TIAM1: variants seen among roughly 807,000 people sequenced by gnomAD.
TIAM1 encodes the protein rho guanine nucleotide exchange factor TIAM1.
In TIAM1, 65 loss-of-function variants were observed where a neutral mutation model predicts 163.5. The ratio of observed to expected loss-of-function variants is 0.40; its 90% confidence interval spans 0.33 to 0.49. The LOEUF (loss-of-function observed/expected upper bound fraction) is 0.49. Among genes scored for constraint, TIAM1 ranks in the 20% least tolerant of loss-of-function variants. The pLI is 0.77. For missense variants in TIAM1, 1,789 were observed against 2,044.7 expected, an observed-to-expected ratio of 0.87 and a Z score of 2.41; for synonymous variants, 833 against 810.1, an observed-to-expected ratio of 1.03 and a Z score of -0.48.
chr21:31,229,074 G>C (rs1457558262), intron 6 of TIAM1, among the ~76,000 whole-genome samples: 2 of 152,282 alleles, frequency 1.3e-5, no homozygotes, highest in South Asian at 2.1e-4. Context: ...ATGAGATTTG[G>C]GTGGGGGCAC....
intron 2 of TIAM1, among the ~76,000 whole-genome samples, chr21:31,435,198 G>A (rs899664049): frequency 3.3e-5 from 5 of 152,132 alleles, no homozygotes; most frequent in Non-Finnish European, 5.9e-5. Context: ...AGCAGTCTCA[G>A]CCTTCATGTC....
chr21:31,147,699 A>T (rs2083187592), intron 19 of TIAM1, among the ~76,000 whole-genome samples: 1 of 144,820 alleles, frequency 6.9e-6, no homozygotes, highest in South Asian at 2.1e-4. Flanking sequence ...TATTCTATAA[A>T]ATATATATTT....
intron 15 of TIAM1, among the ~76,000 whole-genome samples, chr21:31,181,115 C>T (rs2084991638): frequency 6.6e-6 from 1 of 152,186 alleles, no homozygotes; most frequent in Non-Finnish European, 1.5e-5. Flanking sequence ...CCCCAACTTA[C>T]TAAATCAACC....
intron 7 of TIAM1, among the ~76,000 whole-genome samples, chr21:31,223,970 C>T (rs1352276431): frequency 1.3e-5 from 2 of 152,016 alleles, no homozygotes; most frequent in South Asian, 4.1e-4. Flanking sequence ...AAAAGTGAGA[C>T]GAATGAAAGG....
intron 2 of TIAM1, among the ~76,000 whole-genome samples, chr21:31,433,782 A>C (rs1160305716): frequency 3.9e-5 from 6 of 151,918 alleles, no homozygotes; most frequent in Non-Finnish European, 8.8e-5. Flanking sequence ...ACATAACTGA[A>C]CCTTAATATT....
intron 2 of TIAM1, among the ~76,000 whole-genome samples, chr21:31,362,445 A>AATTATTATTATTATTATTATT (rs10634487): frequency 3.5e-5 from 5 of 142,784 alleles, no homozygotes; most frequent in Non-Finnish European, 3.0e-5. Context: ...ATGCAGTGAC[A>AATTATTATTATTATTATTATT]ATTATTATTA....
chr21:31,519,200 G>A (rs1048779177), intron 1 of TIAM1, among the ~76,000 whole-genome samples: 2 of 151,868 alleles, frequency 1.3e-5, no homozygotes, highest in Non-Finnish European at 2.9e-5. Context: ...AGCTACTCAG[G>A]AGGCTGAGGC....
At chr21:31,158,138 C>G (rs2083720012) in intron 16 of TIAM1, among the ~76,000 whole-genome samples, 1 of 152,156 alleles carries the variant, frequency 6.6e-6, no homozygotes, top group Admixed American at 6.5e-5. Flanking sequence ...TGAAGCAGGC[C>G]TGTGGGGTGA....
At chr21:31,347,600 T>C (rs1016352794), upstream of TIAM1, among the ~76,000 whole-genome samples, 1 of 152,238 alleles carries the variant, frequency 6.6e-6, no homozygotes, top group African/African-American at 2.4e-5. Flanking sequence ...ACAGTATTTC[T>C]GCTCCAAAGA....
In TIAM1 at chr21:31,144,843, AAAAAAAAAAG is replaced by A. The variant is rs1485081204; in HGVS notation, c.3475+2042_3475+2051del. Among the ~76,000 whole-genome samples, 156 of 150,524 alleles carry A rather than the reference AAAAAAAAAAG, an allele frequency of 1.0e-3. 1 individual carries two copies. Among genetic ancestry groups the A allele is most frequent in the African/African-American group, 3.6e-3 (147 of 40,970 alleles). On this transcript the variant is annotated intron_variant, in intron 20 of 27. Coordinates refer to ENST00000541036, the MANE Select transcript of TIAM1 (RefSeq NM_001353694.2). ...GACTCCATCTCAGAAAAAAAAAAAA[AAAAAAAAAAG>A]AAAAGAAAAGAAAAATATGGGTCAT...
At chr21:31,372,139 C>T (rs1027791842) in intron 2 of TIAM1, among the ~76,000 whole-genome samples, 5 of 152,204 alleles carry the variant, frequency 3.3e-5, no homozygotes, top group African/African-American at 1.2e-4. Flanking sequence ...CATGGGCTGG[C>T]ACATCCCATC....
chr21:31,557,842 C>T (rs1265655106), intron 1 of TIAM1, among the ~76,000 whole-genome samples: 1 of 152,156 alleles, frequency 6.6e-6, no homozygotes, highest in East Asian at 1.9e-4. Flanking sequence ...CGACTGGAAC[C>T]GGGTGAGTGT....
chr21:31,379,463 G>A (rs2076741503), intron 2 of TIAM1, among the ~76,000 whole-genome samples: 1 of 151,718 alleles, frequency 6.6e-6, no homozygotes, highest in African/African-American at 2.4e-5. Context: ...CCCAAGGTTG[G>A]ACTCTAGGCA....
intron 16 of TIAM1, among the ~76,000 whole-genome samples, chr21:31,154,819 C>T (rs2833309): frequency 0.094 from 14,237 of 152,126 alleles, 792 homozygotes; most frequent in East Asian, 0.24. Context: ...AGCAAGAAGT[C>T]GATAAATCAG....
chr21:31,530,331 T>C (rs1398439326), intron 1 of TIAM1, among the ~76,000 whole-genome samples: 1 of 152,268 alleles, frequency 6.6e-6, no homozygotes, highest in African/African-American at 2.4e-5. Flanking sequence ...CAATTGAGGC[T>C]GAGACATTCA....
At chr21:31,434,980 C>T (rs1413806375) in intron 2 of TIAM1, among the ~76,000 whole-genome samples, 1 of 152,214 alleles carries the variant, frequency 6.6e-6, no homozygotes, top group African/African-American at 2.4e-5. Context: ...CAGCATGTAT[C>T]CTCTTTGCTA....
chr21:31,448,045 G>A (rs2044693455), intron 2 of TIAM1, among the ~76,000 whole-genome samples: 1 of 152,176 alleles, frequency 6.6e-6, no homozygotes, highest in South Asian at 2.1e-4. Flanking sequence ...GCCTTCAACT[G>A]AAAGGAGAGG....
intron 2 of TIAM1, among the ~76,000 whole-genome samples, chr21:31,278,166 AAG>A (rs763011066): frequency 1.6e-4 from 25 of 152,228 alleles, no homozygotes; most frequent in Non-Finnish European, 3.2e-4. Context: ...AAAATGCTGA[AAG>A]AGAGTAAAAC....
At chr21:31,413,492 G>C (rs1451885588) in intron 2 of TIAM1, among the ~76,000 whole-genome samples, 2 of 151,550 alleles carry the variant, frequency 1.3e-5, no homozygotes, top group African/African-American at 2.4e-5. Flanking sequence ...GGATGGTCTC[G>C]ATTTCCTGAC....
Sources: gnomAD v4.1 joint callset for allele counts (sites outside exome capture counted in the v4.1 genomes callset) on GRCh38, gnomAD v4.1.1 for gene constraint, MANE v1.5 for transcripts, NCBI Gene and HGNC (gene_info 2026-07-23, HGNC 2026-07-21) for gene names.